VIT: variants seen among roughly 807,000 people sequenced by gnomAD.
VIT encodes vitrin.
VIT carries 99 observed loss-of-function variants against 78.0 expected under a neutral mutation model. The observed-to-expected ratio is 1.27, with a 90% CI of 1.08 to 1.50. The LOEUF (loss-of-function observed/expected upper bound fraction) is 1.50. Ranked by LOEUF, VIT falls within the 40% of genes most tolerant of loss-of-function variation. The pLI is 0.00. For synonymous variants in VIT, 374 were observed against 334.3 expected (o/e 1.12, Z -1.29); for missense variants, 1,126 against 875.3 (o/e 1.29, Z -3.61).
At chr2:36,747,388 T>C (rs780868084) in intron 4 of VIT, among the ~76,000 whole-genome samples, 2 of 152,194 alleles carry the variant, frequency 1.3e-5, no homozygotes, top group Non-Finnish European at 2.9e-5. Flanking sequence ...ACACTGTCAG[T>C]GGAGTGTTGA....
chr2:36,699,537 CAT>C (rs1664894601), intron 1 of VIT, among the ~76,000 whole-genome samples: 1 of 135,532 alleles, frequency 7.4e-6, no homozygotes. Flanking sequence ...TATACACACA[CAT>C]ATATATAGAT....
intron 6 of VIT, 63 bp from the exon 7 acceptor site, chr2:36,767,031 T>G: frequency 1.4e-6 from 2 of 1,435,078 alleles, no homozygotes; most frequent in Non-Finnish European, 1.8e-6. Context: ...TTATTTTATT[T>G]CTAGTTCTAT....
intron 12 of VIT, among the ~76,000 whole-genome samples, chr2:36,792,608 A>C (rs1448324625): frequency 1.3e-5 from 2 of 152,166 alleles, no homozygotes; most frequent in African/African-American, 4.8e-5. Context: ...AGATGCCCAG[A>C]CCAAACTTCA....
At chr2:36,748,867 G>C (rs1424511658) in intron 4 of VIT, among the ~76,000 whole-genome samples, 1 of 152,202 alleles carries the variant, frequency 6.6e-6, no homozygotes, top group African/African-American at 2.4e-5. Flanking sequence ...TCTGTTCAAA[G>C]TGTGATGGTT....
At chr2:36,699,537 C>G (rs1664894423) in intron 1 of VIT, among the ~76,000 whole-genome samples, 1 of 135,534 alleles carries the variant, frequency 7.4e-6, no homozygotes, top group Non-Finnish European at 1.7e-5. Context: ...TATACACACA[C>G]ATATATATAG....
intron 12 of VIT, among the ~76,000 whole-genome samples, chr2:36,795,319 G>A (rs1187747238): frequency 6.6e-6 from 1 of 151,578 alleles, no homozygotes. Flanking sequence ...TCCCAGCTAA[G>A]GTCAAACAAG....
At chr2:36,800,979 C>T (rs1210460425) in intron 12 of VIT, among the ~76,000 whole-genome samples, 1 of 152,170 alleles carries the variant, frequency 6.6e-6, no homozygotes, top group Non-Finnish European at 1.5e-5. Flanking sequence ...TTTGCAAAAT[C>T]CCACTTGACA....
intron 2 of VIT, among the ~76,000 whole-genome samples, chr2:36,720,105 T>C (rs977132601): frequency 2.0e-5 from 3 of 152,190 alleles, no homozygotes; most frequent in Non-Finnish European, 4.4e-5. Context: ...CCTATTGAAA[T>C]TCCGATGGCA....
At chr2:36,763,790 T>A (rs948848411) in intron 6 of VIT, among the ~76,000 whole-genome samples, 1 of 152,082 alleles carries the variant, frequency 6.6e-6, no homozygotes, top group Non-Finnish European at 1.5e-5. Flanking sequence ...AGTTTCTCCA[T>A]GTTGGTCAGG....
intron 12 of VIT, among the ~76,000 whole-genome samples, chr2:36,792,929 A>G (rs1264464718): frequency 6.6e-6 from 1 of 152,150 alleles, no homozygotes; most frequent in African/African-American, 2.4e-5. Context: ...TATTATTACT[A>G]AAGCATCCTC....
At chr2:36,784,834 CTATATAAGAAAG>C (rs1664986027) in intron 11 of VIT, among the ~76,000 whole-genome samples, 1 of 152,214 alleles carries the variant, frequency 6.6e-6, no homozygotes, top group Admixed American at 6.5e-5. Context: ...GTTTTCACCT[CTATATAAGAAAG>C]TCATGGGTCT....
intron 7 of VIT, among the ~76,000 whole-genome samples, chr2:36,769,543 G>A (rs998855565): frequency 6.6e-6 from 1 of 152,164 alleles, no homozygotes; most frequent in Admixed American, 6.5e-5. Context: ...CACCACAATG[G>A]CTAGGATAGG....
intron 8 of VIT, 154 bp from the exon 9 acceptor site, chr2:36,774,848 C>G: frequency 1.0e-6 from 1 of 985,388 alleles, no homozygotes; most frequent in Non-Finnish European, 1.2e-6. Context: ...TTTTTGCCTC[C>G]TCTGCAACCC....
rs146018175 is a variant in VIT at position 36,709,136 on chromosome 2, C to G, written c.-18-7217C>G. ...CTGCACTCCAGCCTGAGTGACAGAGCGAAACTCCGTCTCAAAAATAAATAA... is the reference window on the plus strand; with the variant it reads ...CTGCACTCCAGCCTGAGTGACAGAGGGAAACTCCGTCTCAAAAATAAATAA... On this transcript the variant is annotated intron_variant, in intron 1 of 15. Transcript: ENST00000379242. Among the ~76,000 whole-genome samples the G allele has an allele frequency of 4.4e-3, 666 of 152,098 alleles. 3 individuals carry two copies. The highest frequency in any genetic ancestry group is 0.015 in the African/African-American group (640 of 41,490).
At chr2:36,748,327 G>T (rs1442723757) in intron 4 of VIT, among the ~76,000 whole-genome samples, 1 of 152,164 alleles carries the variant, frequency 6.6e-6, no homozygotes, top group Non-Finnish European at 1.5e-5. Flanking sequence ...TCTTTTCTAA[G>T]TTGCTTACTC....
At chr2:36,776,516 T>G (rs941758969) in intron 9 of VIT, among the ~76,000 whole-genome samples, 1 of 152,210 alleles carries the variant, frequency 6.6e-6, no homozygotes, top group African/African-American at 2.4e-5. Context: ...AAATTAATAG[T>G]TAGGCCGGGT....
rs944500103 is a variant in VIT, at chr2:36,783,351, A to G, written c.859A>G (p.Lys287Glu). The G allele has an allele frequency of 6.2e-7, 1 of 1,614,030 alleles. No individual in the cohort carries two copies. Among genetic ancestry groups the G allele is most frequent in the African/African-American group, 1.3e-5 (1 of 74,924 alleles). Residue 287 changes from lysine to glutamate, a missense_variant, in exon 11 of 16, where the codon AAA (lysine) becomes GAA (glutamate). By Grantham distance (56) the Lys-to-Glu change is moderately conservative. Coordinates refer to ENST00000379242, the MANE Select transcript of VIT (RefSeq NM_053276.4). The part of the protein sequence containing the change: ...SVLLDEGLVP[K>E]EELSTQSLEP... ...ACTGCTCTTTCCAGGACTTGTTCCA[A>G]AAGAAGAATTGAGCACACAGTCTTT...
chr2:36,793,377 T>C (rs973332823), intron 12 of VIT, among the ~76,000 whole-genome samples: 2 of 152,224 alleles, frequency 1.3e-5, no homozygotes, highest in African/African-American at 2.4e-5. Context: ...GTGGGAAATG[T>C]GGAAAAGACC....
chr2:36,725,521 C>G (rs967021560), intron 2 of VIT, among the ~76,000 whole-genome samples: 1 of 136,962 alleles, frequency 7.3e-6, no homozygotes, highest in African/African-American at 2.8e-5. Context: ...CTGTCAAGAC[C>G]TGTGACCTCC....
Sources: allele counts gnomAD v4.1 joint callset (sites outside exome capture counted in the v4.1 genomes callset), GRCh38; gene constraint gnomAD v4.1.1; transcripts MANE v1.5; gene names NCBI Gene and HGNC (gene_info 2026-07-23, HGNC 2026-07-21).